RSPO4: variants seen among roughly 807,000 people sequenced by gnomAD.
The protein encoded by RSPO4 is R-spondin 4, also known as R-spondin-4.
RSPO4 carries 23 observed loss-of-function variants against 24.8 expected under a neutral mutation model. The ratio of observed to expected loss-of-function variants is 0.93; its 90% confidence interval spans 0.67 to 1.31. The LOEUF (loss-of-function observed/expected upper bound fraction) is 1.31. Ranked by LOEUF, RSPO4 falls within the 40% of genes most tolerant of loss-of-function variation. The pLI, the probability that RSPO4 is intolerant of heterozygous loss-of-function variation, is 0.00. For synonymous variants in RSPO4, 141 were observed against 127.4 expected, an observed-to-expected ratio of 1.11 and a Z score of -0.72; for missense variants, 333 against 316.5, an observed-to-expected ratio of 1.05 and a Z score of -0.39.
rs78023199 is a variant in RSPO4 at position 981,683 on chromosome 20, C to A, written c.80-13545G>T. Reference sequence around the variant, plus strand: ...TGGCAGAAAAAGGAAGGGCTGGGTTCATGTGTGCCCGACATGTGTGTGTTT... The same window carrying A: ...TGGCAGAAAAAGGAAGGGCTGGGTTAATGTGTGCCCGACATGTGTGTGTTT... On this transcript the variant is annotated intron_variant, in intron 1 of 4. Transcript: ENST00000217260. The surrounding 1 kb of genome is among the most constrained non-coding windows in gnomAD (Gnocchi z 4.6). 0.026 allele frequency among the ~76,000 whole-genome samples: 3,904 copies of A among 152,296 alleles called. 205 individuals carry two copies. The highest frequency in any genetic ancestry group is 0.22 in the East Asian group (1,115 of 5,174).
intron 3 of RSPO4, among the ~76,000 whole-genome samples, chr20:965,638 G>A (rs1241696676): frequency 1.3e-5 from 2 of 152,244 alleles, no homozygotes; most frequent in Admixed American, 6.5e-5. Flanking sequence ...GGGGTGGCAA[G>A]AGGGTGGGAA....
At chr20:996,932 C>T (rs978950163) in intron 1 of RSPO4, among the ~76,000 whole-genome samples, 23 of 152,198 alleles carry the variant, frequency 1.5e-4, no homozygotes, top group Non-Finnish European at 2.8e-4. Context: ...CCTACTCCCC[C>T]CGATGGGGTT....
chr20:979,787 C>T (rs529441925), intron 1 of RSPO4, among the ~76,000 whole-genome samples: 5 of 152,196 alleles, frequency 3.3e-5, no homozygotes, highest in East Asian at 1.9e-4. Flanking sequence ...TTTATGTATA[C>T]GGCCCTTTCA....
intron 3 of RSPO4, among the ~76,000 whole-genome samples, chr20:964,745 T>C (rs200930090): frequency 5.7e-5 from 8 of 140,122 alleles, no homozygotes; most frequent in East Asian, 2.2e-4. Flanking sequence ...CACACACACA[T>C]ATATATACAC....
At position 959,156 on chromosome 20, in the gene RSPO4, GTGATGGGTGTGGGCA is replaced by G. The variant is rs1983900635; in HGVS notation, c.*1186_*1200del. On this transcript the variant is annotated 3_prime_UTR_variant, in exon 5 of 5. Coordinates refer to ENST00000217260, the MANE Select transcript of RSPO4 (RefSeq NM_001029871.4). ...GTGGTGGTGGGTGTGGGCGAGTGCG[GTGATGGGTGTGGGCA>G]AGTGTGGGGGTGGGTGTCAGCGTGT... 8.1e-6 allele frequency: 1 copy of G among 123,510 alleles called. No homozygotes were observed. Among genetic ancestry groups the G allele is most frequent in the Non-Finnish European group, 1.7e-5 (1 of 59,170 alleles). 7.7% of individuals were successfully genotyped at this position (123,510 alleles called of 1,614,324 possible).
chr20:982,756 C>G (rs894519568), intron 1 of RSPO4, among the ~76,000 whole-genome samples: 1 of 152,204 alleles, frequency 6.6e-6, no homozygotes, highest in East Asian at 1.9e-4. Context: ...CTGTGTATGA[C>G]GTGCCCAGCA....
intron 1 of RSPO4, among the ~76,000 whole-genome samples, chr20:978,419 G>C (rs1008947881): frequency 1.3e-5 from 2 of 152,200 alleles, no homozygotes; most frequent in Non-Finnish European, 2.9e-5. Flanking sequence ...TCCTTTGAGG[G>C]CTGGGCCCAG....
intron 3 of RSPO4, among the ~76,000 whole-genome samples, chr20:964,705 C>CACACATATATATAT: frequency 6.6e-6 from 1 of 150,952 alleles, no homozygotes; most frequent in African/African-American, 2.4e-5. Flanking sequence ...TACACACACA[C>CACACATATATATAT]ACACATATAT....
chr20:994,673 CA>C (rs61454850), intron 1 of RSPO4, among the ~76,000 whole-genome samples: 10,674 of 152,284 alleles, frequency 0.07, 422 homozygotes, highest in East Asian at 0.15. Flanking sequence ...TCTCATGCCT[CA>C]GCCTCCTGAG....
rs1392000709 is a variant in RSPO4, at chr20:960,004, T to TA, written c.*352dup. ...GAGGGCACAGGCTCATGGTCCCTCT[T>TA]AAAGTGTGTGTGAGAGGGAGACAAG... On this transcript the variant is annotated 3_prime_UTR_variant, in exon 5 of 5. Coordinates refer to ENST00000217260, the MANE Select transcript of RSPO4 (RefSeq NM_001029871.4). 2.8e-6 allele frequency: 1 copy of TA among 360,956 alleles called. No homozygotes were observed. The highest frequency in any genetic ancestry group is 2.1e-5 in the African/African-American group (1 of 47,478). The allele number at this position is 360,956 out of a possible 1,614,324, so 22.4% of individuals were successfully genotyped here.
At position 970,822 on chromosome 20, in the gene RSPO4, T is replaced by C. The variant is rs1047145373; in HGVS notation, c.80-2684A>G. Among the ~76,000 whole-genome samples the C allele has an allele frequency of 6.6e-6, 1 of 152,158 alleles. No individual in the cohort carries two copies. On this transcript the variant is annotated intron_variant, in intron 1 of 4. Coordinates refer to ENST00000217260, the MANE Select transcript of RSPO4 (RefSeq NM_001029871.4). The surrounding 1 kb of genome is among the most constrained non-coding windows in gnomAD (Gnocchi z 4.1). ...TAAATTTGGAGATGTCTCTTTTCTT[T>C]TTGTGTTAAAAAGTTTTTTTGTTTG...
At chr20:960,889 G>C (rs1983975284) in intron 4 of RSPO4, among the ~76,000 whole-genome samples, 1 of 152,304 alleles carries the variant, frequency 6.6e-6, no homozygotes, top group East Asian at 1.9e-4. Flanking sequence ...ACCAACTTCT[G>C]CATAACACTG....
rs1429115807 is a variant in RSPO4, at chr20:981,362, TAAA to T, written c.80-13227_80-13225del. On this transcript the variant is annotated intron_variant, in intron 1 of 4. Transcript: ENST00000217260. This position sits in a 1 kb window ranked among gnomAD's most constrained non-coding sequence, Gnocchi z 4.6. ...CAACATGGCAAAACCCCGTCTCTAC[TAAA>T]AATACAAAAATCAGCTGGGCGTGGT... 1.3e-5 allele frequency among the ~76,000 whole-genome samples: 2 copies of T among 152,024 alleles called. No homozygotes were observed. Among genetic ancestry groups the T allele is most frequent in the African/African-American group, 4.8e-5 (2 of 41,386 alleles).
intron 1 of RSPO4, among the ~76,000 whole-genome samples, chr20:968,617 T>C (rs947254145): frequency 6.6e-6 from 1 of 152,226 alleles, no homozygotes; most frequent in African/African-American, 2.4e-5. Context: ...ATCACTGTTA[T>C]TTGAAGTTTT....
At position 970,763 on chromosome 20, in the gene RSPO4, T is replaced by C. The variant is rs551379475; in HGVS notation, c.80-2625A>G. Among the ~76,000 whole-genome samples, 1 of 152,288 alleles carries C rather than the reference T, an allele frequency of 6.6e-6. No homozygotes were observed. Among genetic ancestry groups the C allele is most frequent in the East Asian group, 1.9e-4 (1 of 5,184 alleles). On this transcript the variant is annotated intron_variant, in intron 1 of 4. Transcript: ENST00000217260. This position sits in a 1 kb window ranked among gnomAD's most constrained non-coding sequence, Gnocchi z 4.1. ...TTCGCTTTTTCACCTTAGATAGGAG[T>C]GTAAACTTCGGGGAAAAATCTAGCA...
At chr20:964,807 C>T (rs1453159605) in intron 3 of RSPO4, among the ~76,000 whole-genome samples, 1 of 60,018 alleles carries the variant, frequency 1.7e-5, no homozygotes. Context: ...TACACACATA[C>T]ACACACACAC....
chr20:993,349 C>A (rs948508607), intron 1 of RSPO4, among the ~76,000 whole-genome samples: 7 of 152,196 alleles, frequency 4.6e-5, no homozygotes, highest in Non-Finnish European at 1.0e-4. Context: ...GTCACCCATC[C>A]GGAGATGGGA....
At chr20:961,675 G>A (rs1207323247) in intron 4 of RSPO4, among the ~76,000 whole-genome samples, 1 of 152,148 alleles carries the variant, frequency 6.6e-6, no homozygotes, top group Admixed American at 6.5e-5. Context: ...CTGCCTGAGT[G>A]GCCCTGCCGG....
intron 1 of RSPO4, among the ~76,000 whole-genome samples, chr20:992,624 T>C (rs935155618): frequency 5.3e-5 from 8 of 152,040 alleles, no homozygotes; most frequent in Admixed American, 2.6e-4. Flanking sequence ...GAAAACCATA[T>C]GAGGTAGATG....
Sources: allele counts gnomAD v4.1 joint callset (sites outside exome capture counted in the v4.1 genomes callset), GRCh38; gene constraint gnomAD v4.1.1; non-coding constraint Gnocchi (gnomAD v3.1); transcripts MANE v1.5; gene names NCBI Gene and HGNC (gene_info 2026-07-23, HGNC 2026-07-21).